NBEA: variants seen among roughly 807,000 people sequenced by gnomAD.
NBEA encodes the protein neurobeachin, also known as lysosomal-trafficking regulator 2.
NBEA carries 44 observed loss-of-function variants against 343.4 expected under a neutral mutation model. The ratio of observed to expected loss-of-function variants is 0.13; its 90% CI spans 0.10 to 0.16. The LOEUF is 0.16. NBEA is among the 10% of genes least tolerant of loss of function. NBEA has a pLI of 1.00. For missense variants in NBEA, 2,555 were observed against 3,631.3 expected, an observed-to-expected ratio of 0.70 and a Z score of 7.62; for synonymous variants, 1,175 against 1,238.7, an observed-to-expected ratio of 0.95 and a Z score of 1.08.
intron 35 of NBEA, among the ~76,000 whole-genome samples, chr13:35,307,734 T>A (rs544552007): frequency 6.6e-6 from 1 of 152,180 alleles, no homozygotes; most frequent in East Asian, 1.9e-4. Flanking sequence ...TCTCTTTAAG[T>A]TAATATCCCA....
chr13:35,531,656 T>C (rs1043902289), intron 41 of NBEA, among the ~76,000 whole-genome samples: 8 of 152,198 alleles, frequency 5.3e-5, no homozygotes, highest in African/African-American at 1.9e-4. Context: ...GGAGTATTAC[T>C]GAGAGAAAAG....
intron 31 of NBEA, among the ~76,000 whole-genome samples, 171 bp downstream of exon 31, chr13:35,196,473 A>G (rs1466589749): frequency 6.6e-6 from 1 of 152,208 alleles, no homozygotes; most frequent in Non-Finnish European, 1.5e-5. Flanking sequence ...TCTTAATAAT[A>G]CATCTTAAAG....
chr13:35,427,824 T>C (rs1271417608), intron 38 of NBEA, among the ~76,000 whole-genome samples: 1 of 152,196 alleles, frequency 6.6e-6, no homozygotes, highest in Non-Finnish European at 1.5e-5. Context: ...TAATCAATTC[T>C]CAGCAATGGC....
intron 33 of NBEA, among the ~76,000 whole-genome samples, chr13:35,211,975 C>T (rs2073805205): frequency 6.6e-6 from 1 of 150,434 alleles, no homozygotes; most frequent in Non-Finnish European, 1.5e-5. Flanking sequence ...GGCCCTCATT[C>T]TTGGAGTAAG....
intron 6 of NBEA, among the ~76,000 whole-genome samples, chr13:35,051,151 C>A (rs1188799914): frequency 6.6e-6 from 1 of 151,954 alleles, no homozygotes; most frequent in African/African-American, 2.4e-5. Flanking sequence ...AAAACCAGGA[C>A]AGAGTGCATA....
chr13:35,004,652 A>C (rs1328752455), intron 1 of NBEA, among the ~76,000 whole-genome samples: 1 of 152,154 alleles, frequency 6.6e-6, no homozygotes, highest in Non-Finnish European at 1.5e-5. Flanking sequence ...ATACCAGTGC[A>C]TTTATTCGAT....
intron 40 of NBEA, among the ~76,000 whole-genome samples, chr13:35,458,124 C>T (rs1211971671): frequency 6.6e-6 from 1 of 152,186 alleles, no homozygotes; most frequent in African/African-American, 2.4e-5. Context: ...AATAACTCCA[C>T]GTTTAACTTT....
rs530676765 is a variant in NBEA, at chr13:35,429,625, A to T, written c.6180-2644A>T. ...CACCTTTCAGAGTCTTCTCTTTTTT[A>T]AAATCTATTTTAATAGGTTTCTGGG... On this transcript the variant is annotated intron_variant, in intron 38 of 58. Coordinates refer to ENST00000379939, the MANE Select transcript of NBEA (RefSeq NM_001385012.1). 5.1e-4 allele frequency among the ~76,000 whole-genome samples: 78 copies of T among 152,126 alleles called. 1 individual carries two copies. The highest frequency in any genetic ancestry group is 1.7e-3 in the African/African-American group (70 of 41,510).
At chr13:35,098,051 G>A (rs574905962) in intron 10 of NBEA, among the ~76,000 whole-genome samples, 1 of 152,004 alleles carries the variant, frequency 6.6e-6, no homozygotes, top group South Asian at 2.1e-4. Context: ...TTTTACTTTG[G>A]AATGTAAAAA....
intron 34 of NBEA, among the ~76,000 whole-genome samples, chr13:35,289,065 G>A (rs987657409): frequency 3.3e-5 from 5 of 151,836 alleles, no homozygotes; most frequent in East Asian, 1.9e-4. Context: ...AGATAGGGTC[G>A]TTAGCAAAAT....
chr13:35,479,449 C>T (rs977765372), intron 41 of NBEA, among the ~76,000 whole-genome samples: 7 of 152,136 alleles, frequency 4.6e-5, no homozygotes, highest in African/African-American at 1.7e-4. Flanking sequence ...GAGAATTAAG[C>T]TATTCGGAGA....
At chr13:35,500,147 C>T (rs1028902829) in intron 41 of NBEA, among the ~76,000 whole-genome samples, 1 of 152,048 alleles carries the variant, frequency 6.6e-6, no homozygotes, top group African/African-American at 2.4e-5. Context: ...AATTCATTGC[C>T]TATTCTTTGT....
intron 41 of NBEA, among the ~76,000 whole-genome samples, chr13:35,542,152 A>AC (rs10717012): frequency 2.3e-3 from 328 of 145,106 alleles, no homozygotes; most frequent in African/African-American, 3.7e-3. Context: ...ATGTTTTGAC[A>AC]CCCCCCCCCC....
At chr13:35,400,750 C>T (rs1415783749) in intron 38 of NBEA, among the ~76,000 whole-genome samples, 2 of 151,922 alleles carry the variant, frequency 1.3e-5, no homozygotes, top group Non-Finnish European at 2.9e-5. Flanking sequence ...GGGATTCAGA[C>T]TATGGGATGA....
chr13:35,510,316 C>T lies in NBEA; in HGVS notation c.6585+37780C>T, dbSNP rs139277173. ...AAGGACACATGCAGCCTCATACAAC[C>T]GCTCTTTCTTCTGTCATTCTTGACA... On this transcript the variant is annotated intron_variant, in intron 41 of 58. Transcript: ENST00000379939. Among the ~76,000 whole-genome samples, 483 of 152,260 alleles carry T rather than the reference C, an allele frequency of 3.2e-3. 1 individual carries two copies. Among genetic ancestry groups the T allele is most frequent in the Non-Finnish European group, 5.2e-3 (356 of 68,016 alleles).
chr13:35,327,466 G>A (rs1435518397), intron 36 of NBEA, among the ~76,000 whole-genome samples: 1 of 151,996 alleles, frequency 6.6e-6, no homozygotes, highest in Non-Finnish European at 1.5e-5. Context: ...ATTAAATCAC[G>A]TTCTTTGCAG....
intron 41 of NBEA, among the ~76,000 whole-genome samples, chr13:35,532,821 G>A (rs1302105249): frequency 1.3e-5 from 2 of 152,034 alleles, no homozygotes; most frequent in Non-Finnish European, 2.9e-5. Flanking sequence ...AGTGGTTTCA[G>A]TTTACTAAGT....
intron 16 of NBEA, among the ~76,000 whole-genome samples, chr13:35,122,673 A>G (rs1416939114): frequency 6.6e-6 from 1 of 152,124 alleles, no homozygotes; most frequent in Non-Finnish European, 1.5e-5. Context: ...TACATACGTA[A>G]CAAACCTGCA....
chr13:35,219,529 T>A (rs1397551459), intron 33 of NBEA, among the ~76,000 whole-genome samples: 21 of 152,146 alleles, frequency 1.4e-4, no homozygotes, highest in Admixed American at 1.4e-3. Context: ...AATAGGATGT[T>A]TACATTCATA....
Sources: allele counts gnomAD v4.1 joint callset (sites outside exome capture counted in the v4.1 genomes callset), GRCh38; gene constraint gnomAD v4.1.1; transcripts MANE v1.5; gene names NCBI Gene and HGNC (gene_info 2026-07-23, HGNC 2026-07-21).